The following TNRC6A variants were observed in gnomAD, a reference collection of about 807,000 sequenced individuals.
TNRC6A encodes the protein trinucleotide repeat-containing gene 6A protein.
In TNRC6A, 44 loss-of-function variants were observed where a neutral mutation model predicts 221.2. That is an observed-to-expected ratio of 0.20 (90% confidence interval 0.16 to 0.26). The LOEUF (loss-of-function observed/expected upper bound fraction) is 0.26. Ranked by LOEUF, TNRC6A falls within the 10% of genes least tolerant of loss-of-function variation. The probability of loss-of-function intolerance (pLI) is 1.00; values close to 1 mark genes in which losing one functional copy is unlikely to be tolerated. For missense variants in TNRC6A, 2,199 were observed against 2,404.4 expected, an observed-to-expected ratio of 0.91 and a Z score of 1.79; for synonymous variants, 847 against 838.5, an observed-to-expected ratio of 1.01 and a Z score of -0.18.
chr16:24,733,687 T>C (rs560228420), intron 2 of TNRC6A, among the ~76,000 whole-genome samples: 107 of 152,344 alleles, frequency 7.0e-4, no homozygotes, highest in East Asian at 5.2e-3. Flanking sequence ...AGGCCAGATA[T>C]AGAGGTTCTT....
intron 2 of TNRC6A, among the ~76,000 whole-genome samples, chr16:24,719,829 A>C (rs2056378976): frequency 1.3e-5 from 2 of 149,186 alleles, no homozygotes; most frequent in South Asian, 4.4e-4. Context: ...CAACAGAGTG[A>C]GACCTTGTCT....
At chr16:24,699,731 A>AT (rs2055932476) in intron 2 of TNRC6A, among the ~76,000 whole-genome samples, 1 of 151,988 alleles carries the variant, frequency 6.6e-6, no homozygotes, top group African/African-American at 2.4e-5. Flanking sequence ...CCAAAAAAAA[A>AT]AAAAAAAGCT....
At chr16:24,687,194 G>A (rs184936941) in intron 2 of TNRC6A, among the ~76,000 whole-genome samples, 8 of 152,134 alleles carry the variant, frequency 5.3e-5, no homozygotes, top group African/African-American at 1.7e-4. Flanking sequence ...CCTACCAGAG[G>A]AGGCAGCATC....
intron 2 of TNRC6A, among the ~76,000 whole-genome samples, chr16:24,705,030 A>T (rs2056069772): frequency 6.6e-6 from 1 of 152,174 alleles, no homozygotes; most frequent in Admixed American, 6.6e-5. Flanking sequence ...GCTTAGCGCA[A>T]GTGGAGTCAT....
intron 3 of TNRC6A, among the ~76,000 whole-genome samples, chr16:24,752,494 C>T (rs1386553652): frequency 2.6e-5 from 4 of 152,032 alleles, no homozygotes; most frequent in Non-Finnish European, 4.4e-5. Context: ...TAGGTATATG[C>T]CATGGTTAGG....
At chr16:24,663,924 T>TAGC (rs778776251) in intron 2 of TNRC6A, 41 of 456,674 alleles carry the variant, frequency 9.0e-5, no homozygotes, top group South Asian at 6.4e-4. Context: ...CGTTAGCAGT[T>TAGC]ATCCTGCAGG....
chr16:24,764,694 A>G (rs1310253765), intron 4 of TNRC6A, among the ~76,000 whole-genome samples: 1 of 152,176 alleles, frequency 6.6e-6, no homozygotes, highest in African/African-American at 2.4e-5. Context: ...TAATGCTGGC[A>G]TGAACATGGG....
intron 2 of TNRC6A, among the ~76,000 whole-genome samples, chr16:24,735,455 A>G (rs1469885631): frequency 6.6e-6 from 1 of 152,208 alleles, no homozygotes; most frequent in Non-Finnish European, 1.5e-5. Context: ...TTGCAGGCCA[A>G]CACATGCATA....
chr16:24,612,510 G>A (rs115223867), intron 1 of TNRC6A, among the ~76,000 whole-genome samples: 121 of 152,016 alleles, frequency 8.0e-4, no homozygotes, highest in Middle Eastern at 3.4e-3. Context: ...ACTTTGTGGG[G>A]CCTAGGCGGC....
chr16:24,783,250 T>C (rs1024061946), intron 5 of TNRC6A, among the ~76,000 whole-genome samples: 5 of 152,130 alleles, frequency 3.3e-5, no homozygotes, highest in African/African-American at 1.2e-4. Flanking sequence ...TGCTTCAGCC[T>C]CCTGAGTAGC....
intron 2 of TNRC6A, among the ~76,000 whole-genome samples, chr16:24,724,642 G>A: frequency 6.6e-6 from 1 of 152,050 alleles, no homozygotes; most frequent in East Asian, 1.9e-4. Context: ...GCTACTTGAG[G>A]CTGAGGTGGG....
intron 1 of TNRC6A, among the ~76,000 whole-genome samples, chr16:24,627,311 G>A (rs895087664): frequency 1.1e-4 from 16 of 151,906 alleles, no homozygotes; most frequent in Non-Finnish European, 1.9e-4. Context: ...TTCACAATCC[G>A]GGTCAGCTTT....
chr16:24,633,081 A>G (rs12448087), intron 1 of TNRC6A, among the ~76,000 whole-genome samples: 104,475 of 151,462 alleles, frequency 0.69, 37,389 homozygotes, highest in African/African-American at 0.88. Flanking sequence ...CACTTGCTTT[A>G]TTCTAGAACT....
intron 2 of TNRC6A, chr16:24,665,030 T>C (rs1296528584): frequency 4.4e-6 from 2 of 454,310 alleles, no homozygotes; most frequent in Admixed American, 2.4e-5. Context: ...GCTGATCTGA[T>C]GAGGAGGAAG....
At chr16:24,675,088 G>T (rs2055381319) in intron 2 of TNRC6A, among the ~76,000 whole-genome samples, 2 of 152,162 alleles carry the variant, frequency 1.3e-5, no homozygotes, top group Non-Finnish European at 2.9e-5. Context: ...CAAGGTCGCA[G>T]TCAGCTATGA....
intron 4 of TNRC6A, among the ~76,000 whole-genome samples, chr16:24,771,040 A>G (rs1022724920): frequency 2.0e-5 from 3 of 152,346 alleles, no homozygotes; most frequent in Admixed American, 6.5e-5. Flanking sequence ...CGCATATGTG[A>G]TAATCCACCT....
chr16:24,686,908 A>G (rs931339736), intron 2 of TNRC6A, among the ~76,000 whole-genome samples: 16 of 152,090 alleles, frequency 1.1e-4, no homozygotes, highest in Middle Eastern at 3.2e-3. Context: ...ACCTACTTGG[A>G]TGGTTCGGAG....
intron 2 of TNRC6A, among the ~76,000 whole-genome samples, chr16:24,673,722 A>G (rs1400896989): frequency 6.6e-6 from 1 of 152,052 alleles, no homozygotes; most frequent in Admixed American, 6.6e-5. Context: ...CACTGTGCCC[A>G]GCTAATTTTT....
intron 5 of TNRC6A, among the ~76,000 whole-genome samples, chr16:24,781,204 G>A (rs190180199): frequency 4.6e-5 from 7 of 151,776 alleles, no homozygotes; most frequent in East Asian, 1.9e-4. Flanking sequence ...GACTACAGGC[G>A]TTCACCACCA....
Sources: allele counts gnomAD v4.1 joint callset (sites outside exome capture counted in the v4.1 genomes callset), GRCh38; gene constraint gnomAD v4.1.1; transcripts MANE v1.5; gene names NCBI Gene and HGNC (gene_info 2026-07-23, HGNC 2026-07-21).